Variants in ERBB4 observed in about 807,000 individuals in gnomAD.
The protein encoded by ERBB4 is erb-b2 receptor tyrosine kinase 4.
A neutral mutation model predicts 158.0 loss-of-function variants in ERBB4; 42 were observed. The ratio of observed to expected loss-of-function variants is 0.27; its 90% CI spans 0.21 to 0.34. The LOEUF is 0.34. Ranked by LOEUF, ERBB4 falls within the 10% of genes least tolerant of loss-of-function variation. The probability of loss-of-function intolerance (pLI) is 1.00; values close to 1 mark genes in which losing one functional copy is unlikely to be tolerated. For synonymous variants in ERBB4, 583 were observed against 558.7 expected (o/e 1.04, Z -0.61); for missense variants, 1,333 against 1,624.1 (o/e 0.82, Z 3.08).
At chr2:212,324,280 C>T (rs2087714706) in intron 1 of ERBB4, among the ~76,000 whole-genome samples, 1 of 150,504 alleles carries the variant, frequency 6.6e-6, no homozygotes, top group African/African-American at 2.4e-5. Flanking sequence ...TAAGAAATTA[C>T]CTTTACACAT....
intron 19 of ERBB4, among the ~76,000 whole-genome samples, chr2:211,604,727 C>T (rs772471724): frequency 6.6e-6 from 1 of 152,154 alleles, no homozygotes; most frequent in African/African-American, 2.4e-5. Flanking sequence ...AAGTCTTGAT[C>T]GACCGACTGT....
intron 19 of ERBB4, among the ~76,000 whole-genome samples, chr2:211,586,648 A>T (rs1316277760): frequency 3.9e-5 from 6 of 152,194 alleles, no homozygotes; most frequent in African/African-American, 1.4e-4. Context: ...CTGGAAATGT[A>T]GGGATTCCTG....
intron 2 of ERBB4, among the ~76,000 whole-genome samples, chr2:212,114,243 A>G (rs950146789): frequency 6.6e-6 from 1 of 152,226 alleles, no homozygotes; most frequent in Admixed American, 6.5e-5. Flanking sequence ...TTAGTAAAAT[A>G]TCTCTGAAGA....
At chr2:211,973,553 T>C (rs2081518148) in intron 2 of ERBB4, among the ~76,000 whole-genome samples, 1 of 152,190 alleles carries the variant, frequency 6.6e-6, no homozygotes, top group Admixed American at 6.5e-5. Context: ...CCAGTCATAA[T>C]GGCTATTATT....
intron 1 of ERBB4, among the ~76,000 whole-genome samples, chr2:212,537,956 G>A (rs1035957857): frequency 6.6e-6 from 1 of 152,164 alleles, no homozygotes; most frequent in African/African-American, 2.4e-5. Context: ...GCGGTCGCCA[G>A]CAGCACACAC....
At chr2:211,824,326 G>GT (rs1182608171) in intron 3 of ERBB4, among the ~76,000 whole-genome samples, 1 of 151,902 alleles carries the variant, frequency 6.6e-6, no homozygotes, top group East Asian at 1.9e-4. Context: ...TTAGCAAATG[G>GT]TACCTGTGTA....
At chr2:212,300,605 G>C (rs1263322452) in intron 1 of ERBB4, among the ~76,000 whole-genome samples, 2 of 151,380 alleles carry the variant, frequency 1.3e-5, no homozygotes, top group Non-Finnish European at 3.0e-5. Flanking sequence ...AGTAAATCGA[G>C]ATGTGATAAG....
At chr2:211,567,096 T>C (rs1300042442) in intron 19 of ERBB4, among the ~76,000 whole-genome samples, 1 of 152,218 alleles carries the variant, frequency 6.6e-6, no homozygotes, top group African/African-American at 2.4e-5. Flanking sequence ...TATAATCCCA[T>C]GAAGCAGTTC....
intron 1 of ERBB4, among the ~76,000 whole-genome samples, chr2:212,459,548 ACT>A (rs1203285123): frequency 2.6e-5 from 4 of 152,072 alleles, no homozygotes; most frequent in Non-Finnish European, 5.9e-5. Context: ...TGTTCAATAC[ACT>A]CTCTCTCAAA....
At chr2:211,574,907 T>C (rs182864139) in intron 19 of ERBB4, among the ~76,000 whole-genome samples, 1 of 152,230 alleles carries the variant, frequency 6.6e-6, no homozygotes, top group Non-Finnish European at 1.5e-5. Context: ...CAGAGCTTAA[T>C]AATGACTGCT....
intron 16 of ERBB4, among the ~76,000 whole-genome samples, chr2:211,631,845 TA>T (rs1487420412): frequency 2.6e-5 from 4 of 152,104 alleles, no homozygotes; most frequent in African/African-American, 9.6e-5. Flanking sequence ...TAAAGCATTT[TA>T]TATCTTATAT....
At chr2:212,464,701 G>A (rs1475402082) in intron 1 of ERBB4, among the ~76,000 whole-genome samples, 1 of 151,934 alleles carries the variant, frequency 6.6e-6, no homozygotes, top group East Asian at 1.9e-4. Context: ...GTGAAACTTC[G>A]AGCCTATTGA....
chr2:212,427,778 C>T (rs1191069638), intron 1 of ERBB4, among the ~76,000 whole-genome samples: 4 of 152,034 alleles, frequency 2.6e-5, no homozygotes, highest in Non-Finnish European at 5.9e-5. Flanking sequence ...GCTCTCTTTT[C>T]GTTTAATATT....
chr2:212,227,820 A>G (rs1302859393), intron 1 of ERBB4, among the ~76,000 whole-genome samples: 1 of 151,710 alleles, frequency 6.6e-6, no homozygotes, highest in African/African-American at 2.4e-5. Flanking sequence ...ATTACTGTCC[A>G]GTATAAAAAA....
chr2:212,349,509 G>C (rs867755193), intron 1 of ERBB4, among the ~76,000 whole-genome samples: 7 of 149,194 alleles, frequency 4.7e-5, no homozygotes, highest in Non-Finnish European at 7.4e-5. Context: ...ATTAAAATAA[G>C]AGTTAAGTTT....
chr2:211,905,700 G>T (rs187674135), intron 3 of ERBB4, among the ~76,000 whole-genome samples: 6,242 of 126,320 alleles, frequency 0.049, 258 homozygotes, highest in Non-Finnish European at 0.08. Context: ...ATATGTGTGT[G>T]TATGTGTGTG....
intron 1 of ERBB4, among the ~76,000 whole-genome samples, chr2:212,427,671 C>A (rs950602211): frequency 2.0e-5 from 3 of 152,062 alleles, no homozygotes; most frequent in South Asian, 2.1e-4. Context: ...GAGAAACTAG[C>A]AATAATTTGA....
At chr2:211,570,124 A>G (rs1047923960) in intron 19 of ERBB4, among the ~76,000 whole-genome samples, 10 of 151,952 alleles carry the variant, frequency 6.6e-5, no homozygotes, top group Non-Finnish European at 1.2e-4. Flanking sequence ...TAGTTGTTTA[A>G]AATTTATTTA....
chr2:212,092,128 T>TA (rs1225713616), intron 2 of ERBB4, among the ~76,000 whole-genome samples: 1 of 152,234 alleles, frequency 6.6e-6, no homozygotes, highest in Non-Finnish European at 1.5e-5. Context: ...ATGTCTTTCC[T>TA]AAAACTGCCT....
Sources: allele counts gnomAD v4.1 joint callset (sites outside exome capture counted in the v4.1 genomes callset), GRCh38; gene constraint gnomAD v4.1.1; transcripts MANE v1.5; gene names NCBI Gene and HGNC (gene_info 2026-07-23, HGNC 2026-07-21).